Variants in GHR observed in about 807,000 individuals in gnomAD.
GHR encodes the protein growth hormone receptor.
A neutral mutation model predicts 67.1 loss-of-function variants in GHR; 35 were observed. The observed-to-expected ratio is 0.52, with a 90% confidence interval of 0.40 to 0.69. The LOEUF is 0.69. GHR is among the 30% of genes least tolerant of loss of function. The pLI, the probability that GHR is intolerant of heterozygous loss-of-function variation, is 0.00. For synonymous variants in GHR, 272 were observed against 269.1 expected (o/e 1.01, Z -0.10); for missense variants, 792 against 764.6 (o/e 1.04, Z -0.42).
chr5:42,475,442 T>TA (rs374193623), intron 1 of GHR, among the ~76,000 whole-genome samples: 15 of 151,764 alleles, frequency 9.9e-5, no homozygotes, highest in Non-Finnish European at 1.5e-4. Context: ...TCATTTTTTT[T>TA]ATAAAAATTG....
rs1477280808 is a variant in GHR at position 42,423,864 on chromosome 5, C to T, written c.-103C>T. On this transcript the variant is annotated 5_prime_UTR_variant, in exon 1 of 10. Coordinates refer to ENST00000230882, the MANE Select transcript of GHR (RefSeq NM_000163.5). ...TGAGCCCGGGCGGCGGCGGGGACCCCGGGCTGGGGCCACGCGGGCCGGAGG... is the reference window on the plus strand; with the variant it reads ...TGAGCCCGGGCGGCGGCGGGGACCCTGGGCTGGGGCCACGCGGGCCGGAGG... The T allele has an allele frequency of 6.4e-6, 1 of 157,316 alleles. No homozygotes were observed. The highest frequency in any genetic ancestry group is 1.4e-5 in the Non-Finnish European group (1 of 71,926). 9.7% of individuals were successfully genotyped at this position (157,316 alleles called of 1,614,324 possible).
At chr5:42,591,352 G>A (rs950543699) in intron 2 of GHR, among the ~76,000 whole-genome samples, 1 of 152,228 alleles carries the variant, frequency 6.6e-6, no homozygotes, top group Non-Finnish European at 1.5e-5. Flanking sequence ...CGTGGATCTT[G>A]TTCTGTCATT....
intron 3 of GHR, among the ~76,000 whole-genome samples, chr5:42,637,111 T>C (rs879750248): frequency 3.3e-5 from 5 of 152,192 alleles, no homozygotes; most frequent in Non-Finnish European, 5.9e-5. Flanking sequence ...CAGATGCTTG[T>C]TTTTGTAAAT....
At chr5:42,563,714 A>G (rs1053602776) in intron 1 of GHR, among the ~76,000 whole-genome samples, 1 of 151,532 alleles carries the variant, frequency 6.6e-6, no homozygotes, top group African/African-American at 2.4e-5. Flanking sequence ...AGGCTCAAGC[A>G]GGAGAATCGC....
At chr5:42,665,587 G>A (rs1024868720) in intron 3 of GHR, among the ~76,000 whole-genome samples, 1 of 151,858 alleles carries the variant, frequency 6.6e-6, no homozygotes, top group Non-Finnish European at 1.5e-5. Context: ...CACACTCTGG[G>A]GACTGTTGTG....
chr5:42,622,018 C>T (rs1753471283), intron 2 of GHR, among the ~76,000 whole-genome samples: 1 of 152,116 alleles, frequency 6.6e-6, no homozygotes, highest in South Asian at 2.1e-4. Context: ...CACTGAGCCA[C>T]AAAAGATATT....
intron 1 of GHR, among the ~76,000 whole-genome samples, chr5:42,529,604 G>T (rs1747867819): frequency 6.6e-6 from 1 of 152,088 alleles, no homozygotes; most frequent in African/African-American, 2.4e-5. Flanking sequence ...GGGTTTAACG[G>T]CCTATATAAA....
intron 1 of GHR, among the ~76,000 whole-genome samples, chr5:42,553,974 C>T (rs1187562220): frequency 6.6e-6 from 1 of 152,102 alleles, no homozygotes; most frequent in African/African-American, 2.4e-5. Flanking sequence ...TGAGATATTT[C>T]TTTTCTCTTC....
At chr5:42,562,631 A>C (rs1749675823) in intron 1 of GHR, among the ~76,000 whole-genome samples, 1 of 147,740 alleles carries the variant, frequency 6.8e-6, no homozygotes, top group Admixed American at 6.7e-5. Context: ...TTGTAAAGGA[A>C]GTGTTATAGT....
chr5:42,442,495 G>GGA (rs1452230650), intron 1 of GHR, among the ~76,000 whole-genome samples: 7 of 152,278 alleles, frequency 4.6e-5, no homozygotes, highest in African/African-American at 1.7e-4. Context: ...TGATAAACCA[G>GGA]GAATCTAAGC....
At chr5:42,693,301 C>A (rs534085840) in intron 4 of GHR, among the ~76,000 whole-genome samples, 2 of 152,094 alleles carry the variant, frequency 1.3e-5, no homozygotes, top group Admixed American at 1.3e-4. Context: ...GCCATCATGC[C>A]CAGCTAATTT....
chr5:42,568,283 C>A (rs959616913), intron 2 of GHR, among the ~76,000 whole-genome samples: 2 of 152,098 alleles, frequency 1.3e-5, no homozygotes, highest in African/African-American at 4.8e-5. Flanking sequence ...TAAATTTGAA[C>A]AGTGCCGTTA....
chr5:42,474,350 G>GAAAGAAAAGAAAT lies in GHR; in HGVS notation c.-12+50402_-12+50403insAGAAATAAAGAAA, dbSNP rs1561325787. Reference sequence around the variant, plus strand: ...GAAAGAAAGAAAGAAAAGAAATAAAGAAAGAAAGCAAAGTGTCTGTCTGCC... The same window carrying GAAAGAAAAGAAAT: ...GAAAGAAAGAAAGAAAAGAAATAAAGAAAGAAAAGAAATAAAGAAAGCAAAGTGTCTGTCTGCC... On this transcript the variant is annotated intron_variant, in intron 1 of 9. Transcript: ENST00000230882. 7.0e-5 allele frequency among the ~76,000 whole-genome samples: 10 copies of GAAAGAAAAGAAAT among 143,652 alleles called. No homozygotes were observed. In the East Asian group the frequency reaches 1.7e-3, roughly 25 times the overall value. 94.2% of individuals were successfully genotyped at this position (143,652 alleles called of 152,430 possible).
intron 1 of GHR, among the ~76,000 whole-genome samples, chr5:42,434,199 A>G (rs886791301): frequency 1.3e-4 from 20 of 152,180 alleles, no homozygotes; most frequent in Non-Finnish European, 2.9e-5. Context: ...CTCTCAAGCC[A>G]TGTGCTGATG....
intron 1 of GHR, among the ~76,000 whole-genome samples, chr5:42,542,144 G>A (rs1748543509): frequency 6.6e-6 from 1 of 152,142 alleles, no homozygotes; most frequent in South Asian, 2.1e-4. Flanking sequence ...TCAATGCTAA[G>A]TGGTTGGGAA....
intron 3 of GHR, among the ~76,000 whole-genome samples, chr5:42,661,324 G>A (rs546648050): frequency 3.9e-5 from 6 of 152,254 alleles, no homozygotes; most frequent in African/African-American, 9.6e-5. Flanking sequence ...AAGTTGAAAC[G>A]AAGGAAAAAA....
At position 42,705,283 on chromosome 5, in the gene GHR, T is replaced by C. The variant is rs781351167; in HGVS notation, c.618+5281T>C. On this transcript the variant is annotated intron_variant, in intron 6 of 9. Transcript: ENST00000230882. The stretch of plus-strand genomic sequence containing the variant: ...TTATTCATTTGAGATCTTTGTTTTC[T>C]GATGGAGGCATTTATTGCCATGAAC... Among the ~76,000 whole-genome samples the C allele has an allele frequency of 6.6e-5, 10 of 152,124 alleles. No homozygotes were observed. In the South Asian group the frequency reaches 1.4e-3, roughly 22 times the overall value.
chr5:42,464,785 T>C (rs986639564), intron 1 of GHR, among the ~76,000 whole-genome samples: 1 of 152,198 alleles, frequency 6.6e-6, no homozygotes, highest in African/African-American at 2.4e-5. Context: ...ACACACAGGA[T>C]GCACTTACTA....
chr5:42,509,313 A>G lies in GHR; in HGVS notation c.-11-56551A>G, dbSNP rs541288428. On this transcript the variant is annotated intron_variant, in intron 1 of 9. Transcript: ENST00000230882. ...TATTAGTAATGATTGGCAACTCTCC[A>G]TATTTCTTGAATCCACTCACTTTCC... is the stretch of plus-strand genomic sequence containing the variant. Among the ~76,000 whole-genome samples, 14 of 152,328 alleles carry G rather than the reference A, an allele frequency of 9.2e-5. No individual in the cohort carries two copies. In the South Asian group the frequency reaches 2.9e-3, roughly 32 times the overall value.
Sources: gnomAD v4.1 joint callset for allele counts (sites outside exome capture counted in the v4.1 genomes callset) on GRCh38, gnomAD v4.1.1 for gene constraint, MANE v1.5 for transcripts, NCBI Gene and HGNC (gene_info 2026-07-23, HGNC 2026-07-21) for gene names.